Variants in CDHR5 observed in about 807,000 individuals in gnomAD.
CDHR5 encodes the protein cadherin related family member 5.
In CDHR5, 82 loss-of-function variants were observed where a neutral mutation model predicts 69.5. The ratio of observed to expected loss-of-function variants is 1.18; its 90% confidence interval spans 0.99 to 1.42. The LOEUF (loss-of-function observed/expected upper bound fraction) is 1.42. Ranked by LOEUF, CDHR5 falls within the 40% of genes most tolerant of loss-of-function variation. The probability of loss-of-function intolerance (pLI) is 0.00; values close to 1 mark genes in which losing one functional copy is unlikely to be tolerated. For synonymous variants in CDHR5, 601 were observed against 510.2 expected, an observed-to-expected ratio of 1.18 and a Z score of -2.40; for missense variants, 1,293 against 1,168.9, an observed-to-expected ratio of 1.11 and a Z score of -1.55.
In CDHR5 at chr11:618,063, G is replaced by T. The variant is rs747379196; in HGVS notation, c.2009C>A (p.Ala670Asp). The change falls in exon 14 of 15, where the codon GCC becomes GAC. Residue 670 changes from alanine to aspartate, a missense_variant. Coordinates refer to ENST00000397542, the MANE Select transcript of CDHR5 (RefSeq NM_021924.5). ...DKRFSVVDMA[A>D]LGGVLGALLL... is the part of the protein sequence containing the mutation. ...CAGCGCACCCAGCACCCCGCCCAGG[G>T]CCGCCATATCCACCACCGAGAAGCG... is the stretch of plus-strand genomic sequence containing the variant. 2.5e-6 allele frequency: 4 copies of T among 1,610,514 alleles called. No homozygotes were observed. The highest frequency in any genetic ancestry group is 3.4e-6 in the Non-Finnish European group (4 of 1,179,140).
rs773479193 is a variant in CDHR5, at chr11:619,819, C to T, written c.1041G>A (p.Ala347=). 38 of 1,579,784 alleles carry T rather than the reference C, an allele frequency of 2.4e-5. No individual in the cohort carries two copies. Among genetic ancestry groups the T allele is most frequent in the Middle Eastern group, 3.3e-4 (2 of 6,022 alleles). ...GGGGGAAGCGGGGCGGGCTCCCGGC[C>T]GCAGCCACAGCCTCCACGGTGACCT... ...VTQVTVEAVA[A]AGSPPRFPQR... is the part of the protein sequence containing the mutation. Residue 347 remains alanine (A), a synonymous_variant, in exon 10 of 15, where the codon GCG becomes GCA. Transcript: ENST00000397542.
Position 617,141 on chromosome 11 carries a change from G to A in CDHR5, c.*210C>T, listed in dbSNP as rs761387899. On this transcript the variant is annotated 3_prime_UTR_variant, in exon 15 of 15. Coordinates refer to ENST00000397542, the MANE Select transcript of CDHR5 (RefSeq NM_021924.5). ...GCTGCAGCCTTGGGGTGGGGACAGC[G>A]TGGCCAGACCCACCGCCTCATCTGC... The A allele has an allele frequency of 1.0e-4, 59 of 579,824 alleles. No individual in the cohort carries two copies. The highest frequency in any genetic ancestry group is 2.2e-4 in the Admixed American group (7 of 31,878). The allele number at this position is 579,824 out of a possible 1,614,324, so 35.9% of individuals were successfully genotyped here.
At position 619,695 on chromosome 11, in the gene CDHR5, C is replaced by T. The variant is rs2306066; in HGVS notation, c.1165G>A (p.Asp389Asn). 7.9e-5 allele frequency: 128 copies of T among 1,613,322 alleles called. No homozygotes were observed. In the East Asian group the frequency reaches 2.8e-3, roughly 35 times the overall value. Reference protein sequence around the residue: ...PSQPLRIQAQDPEFSDLNSAI... With the variant: ...PSQPLRIQAQNPEFSDLNSAI... ...GCACTCTCTACCGAGAACTCCGGGT[C>T]CTGAGCCTGGATCCTCAGAGGCTGA... Residue 389 changes from aspartate (D) to asparagine (N), a missense_variant, in exon 10 of 15, where the codon GAC becomes AAC. Coordinates refer to ENST00000397542, the MANE Select transcript of CDHR5 (RefSeq NM_021924.5).
chr11:621,063 C>T lies in CDHR5; in HGVS notation c.789+17G>A, dbSNP rs181292844. 8.7e-3 allele frequency: 13,169 copies of T among 1,517,456 alleles called. 78 individuals are homozygous for T. The highest frequency in any genetic ancestry group is 0.011 in the Non-Finnish European group (11,988 of 1,130,024). The allele number at this position is 1,517,456 out of a possible 1,614,324, so 94.0% of individuals were successfully genotyped here. On this transcript the variant is annotated intron_variant, in intron 7 of 14. Coordinates refer to ENST00000397542, the MANE Select transcript of CDHR5 (RefSeq NM_021924.5). The surrounding 1 kb of genome is among the most constrained non-coding windows in gnomAD (Gnocchi z 4.4). Reference sequence around the variant, plus strand: ...TAGAAGGCCCTGCCCCGTGCACTGCCCCTCCCTCCCCATTACCAGTATGTG... The same window carrying T: ...TAGAAGGCCCTGCCCCGTGCACTGCTCCTCCCTCCCCATTACCAGTATGTG...
At chr11:623,517 G>A (rs937098650) in intron 3 of CDHR5, among the ~76,000 whole-genome samples, 2 of 152,018 alleles carry the variant, frequency 1.3e-5, no homozygotes, top group Admixed American at 1.3e-4. Context: ...GGATGCAACA[G>A]GGCATAGGGT....
rs1466044172 is a variant in CDHR5 at position 621,428 on chromosome 11, T to C, written c.535A>G (p.Ser179Gly). 6.2e-7 allele frequency: 1 copy of C among 1,612,618 alleles called. No individual in the cohort carries two copies. The highest frequency in any genetic ancestry group is 1.3e-5 in the African/African-American group (1 of 74,888). The stretch of plus-strand genomic sequence containing the variant: ...AGCCTCAGGGCGGGACGGTTTACAC[T>C]CACCAGGGAGAAGTAGTCACTGGCA... ...AGASDYFSLVSVNRPALRLDR... is the reference protein window; with the variant it reads ...AGASDYFSLVGVNRPALRLDR... The change falls in exon 6 of 15, where the codon AGT becomes GGT. Residue 179 changes from serine to glycine, a missense_variant. Coordinates refer to ENST00000397542, the MANE Select transcript of CDHR5 (RefSeq NM_021924.5). The surrounding 1 kb of genome is among the most constrained non-coding windows in gnomAD (Gnocchi z 4.4).
rs751337223 is a variant in CDHR5, at chr11:618,046, C to T, written c.2026G>A (p.Gly676Ser). Reference protein sequence around the residue: ...VDMAALGGVLGALLLLALLGL... With the variant: ...VDMAALGGVLSALLLLALLGL... ...AGGAGAGCCAGCAGCAGCAGCGCAC[C>T]CAGCACCCCGCCCAGGGCCGCCATA... Residue 676 changes from glycine (G) to serine (S), a missense_variant, in exon 14 of 15, where the codon GGT becomes AGT. Coordinates refer to ENST00000397542, the MANE Select transcript of CDHR5 (RefSeq NM_021924.5). 1.2e-5 allele frequency: 19 copies of T among 1,612,254 alleles called. No homozygotes were observed. The African/African-American group carries it at 1.6e-4, about 14-fold the overall frequency.
chr11:624,643 C>T lies in CDHR5; in HGVS notation c.175G>A (p.Glu59Lys), dbSNP rs144278658. ...LVDIHVPEGQEVTLGALSTPF... is the reference protein window; with the variant it reads ...LVDIHVPEGQKVTLGALSTPF... ...GTGGACAAGGCTCCGAGGGTCACCT[C>T]CTGGCCCTCCGGGACGTGGATGTCC... is the stretch of plus-strand genomic sequence containing the variant. Residue 59 changes from glutamate (E) to lysine (K), a missense_variant, in exon 2 of 15, where the codon GAG (glutamate) becomes AAG (lysine). Coordinates refer to ENST00000397542, the MANE Select transcript of CDHR5 (RefSeq NM_021924.5). This position sits in a 1 kb window ranked among gnomAD's most constrained non-coding sequence, Gnocchi z 5.3. 1.2e-6 allele frequency: 2 copies of T among 1,613,516 alleles called. No individual in the cohort carries two copies. Among genetic ancestry groups the T allele is most frequent in the African/African-American group, 2.7e-5 (2 of 74,938 alleles).
chr11:622,256 A>G (rs1340695018), intron 3 of CDHR5, among the ~76,000 whole-genome samples: 2 of 152,246 alleles, frequency 1.3e-5, no homozygotes, highest in Non-Finnish European at 2.9e-5. Context: ...CACAAGAGAC[A>G]AATCTCTGCC....
rs1284384552 is a variant in CDHR5, at chr11:619,351, T to G, written c.1333A>C (p.Thr445Pro). 2 of 1,613,680 alleles carry G rather than the reference T, an allele frequency of 1.2e-6. No individual in the cohort carries two copies. Among genetic ancestry groups the G allele is most frequent in the South Asian group, 1.1e-5 (1 of 91,082 alleles). The change falls in exon 12 of 15, where the codon ACA (threonine) becomes CCA (proline). Residue 445 changes from threonine (T) to proline (P), a missense_variant. Thr to Pro is a conservative substitution (Grantham distance 38). Transcript: ENST00000397542. ...HNTVTSGTAT[T>P]VIEIQVSEQE... ...TCGGAAACTTGTATCTCAATGACTG[T>G]GGTTGCGGTGCCAGAGGTCACCGTG...
intron 9 of CDHR5, 80 bp downstream of exon 9, chr11:619,987 C>CGG: frequency 3.0e-6 from 4 of 1,314,040 alleles, no homozygotes; most frequent in Non-Finnish European, 4.1e-6. Flanking sequence ...GGCCCTGCCC[C>CGG]GGCCCCCCAG....
rs1857047798 is a variant in CDHR5 at position 617,776 on chromosome 11, G to C, written c.2119-6C>G. 1.4e-6 allele frequency: 2 copies of C among 1,450,208 alleles called. No individual in the cohort carries two copies. The highest frequency in any genetic ancestry group is 2.9e-5 in the African/African-American group (2 of 70,042). 89.8% of individuals were successfully genotyped at this position (1,450,208 alleles called of 1,614,324 possible). On this transcript the variant is annotated splice_region_variant and splice_polypyrimidine_tract_variant and intron_variant, in intron 14 of 14. Transcript: ENST00000397542. The stretch of plus-strand genomic sequence containing the variant: ...AAGCCTTGGGGCTGGGGCTCCTGCA[G>C]GCGGGAGTCGAGGCGTCAGCGGGGT...
Position 621,695 on chromosome 11 carries a change from A to G in CDHR5, c.406-32T>C, listed in dbSNP as rs202235163. ...AGGGAGAGGGGCTTGGTCCGGCCAC[A>G]CTCTTGGCCCCTGTGGACCCCCACT... On this transcript the variant is annotated intron_variant, in intron 4 of 14. Coordinates refer to ENST00000397542, the MANE Select transcript of CDHR5 (RefSeq NM_021924.5). This position sits in a 1 kb window ranked among gnomAD's most constrained non-coding sequence, Gnocchi z 4.4. 2.6e-6 allele frequency: 4 copies of G among 1,568,630 alleles called. No homozygotes were observed. Among genetic ancestry groups the G allele is most frequent in the East Asian group, 2.2e-5 (1 of 44,650 alleles).
Position 619,188 on chromosome 11 carries a change from C to T in CDHR5, c.1379-8G>A, listed in dbSNP as rs370237892. On this transcript the variant is annotated splice_polypyrimidine_tract_variant and splice_region_variant and intron_variant, in intron 12 of 14. Coordinates refer to ENST00000397542, the MANE Select transcript of CDHR5 (RefSeq NM_021924.5). ...CTGGGGATGGGGGGACATCTGGGGGCCGGGAACAGTGCTTGGGCTTGCCTC... is the reference window on the plus strand; with the variant it reads ...CTGGGGATGGGGGGACATCTGGGGGTCGGGAACAGTGCTTGGGCTTGCCTC... The T allele has an allele frequency of 1.1e-4, 169 of 1,513,344 alleles. No individual in the cohort carries two copies. Among genetic ancestry groups the T allele is most frequent in the Non-Finnish European group, 1.4e-4 (156 of 1,122,468 alleles). 93.7% of individuals were successfully genotyped at this position (1,513,344 alleles called of 1,614,324 possible). A position where few individuals can be genotyped will look rare whatever the true frequency, so the allele number is the denominator to read the frequency against.
intron 3 of CDHR5, among the ~76,000 whole-genome samples, chr11:623,385 G>C (rs910981264): frequency 6.6e-6 from 1 of 152,220 alleles, no homozygotes; most frequent in Admixed American, 6.5e-5. Context: ...GGAGGGCACA[G>C]AGCCTGCTGT....
chr11:618,671 C>A lies in CDHR5; in HGVS notation c.1888G>T (p.Gly630Trp). ...STSHQPTTPG[G>W]GTAQTPEPGT... ...GGCTCTGGGGTCTGTGCTGTGCCCC[C>A]ACCGGGTGTGGTTGGTTGGTGGGAG... The change falls in exon 13 of 15, where the codon GGG becomes TGG. Residue 630 changes from glycine to tryptophan, a missense_variant. Transcript: ENST00000397542. 1 of 1,592,002 alleles carries A rather than the reference C, an allele frequency of 6.3e-7. No homozygotes were observed. Among genetic ancestry groups the A allele is most frequent in the Non-Finnish European group, 8.6e-7 (1 of 1,167,522 alleles).
chr11:619,627 C>T, intron 10 of CDHR5, 40 bp from the exon 11 acceptor site: 1 of 1,607,134 alleles, frequency 6.2e-7, no homozygotes, highest in Non-Finnish European at 8.5e-7. Context: ...AGGCTGCCTC[C>T]CACGTACAGC....
At chr11:623,663 T>G (rs1857548532) in intron 3 of CDHR5, among the ~76,000 whole-genome samples, 1 of 150,788 alleles carries the variant, frequency 6.6e-6, no homozygotes, top group Non-Finnish European at 1.5e-5. Context: ...CGTGGAGGGC[T>G]GGGGTGGGCT....
At chr11:618,288 G>C (rs1857104999) in intron 13 of CDHR5, among the ~76,000 whole-genome samples, 177 bp from the exon 14 acceptor site, 1 of 152,142 alleles carries the variant, frequency 6.6e-6, no homozygotes, top group Non-Finnish European at 1.5e-5. Flanking sequence ...TCGAGACCCT[G>C]CCCACCCCCT....
Sources: allele counts gnomAD v4.1 joint callset (sites outside exome capture counted in the v4.1 genomes callset), GRCh38; gene constraint gnomAD v4.1.1; non-coding constraint Gnocchi (gnomAD v3.1); transcripts MANE v1.5; gene names NCBI Gene and HGNC (gene_info 2026-07-23, HGNC 2026-07-21).